CCDC7: variants seen among roughly 807,000 people sequenced by gnomAD.
CCDC7 encodes the protein coiled-coil domain-containing protein 7.
A neutral mutation model predicts 196.9 loss-of-function variants in CCDC7; 183 were observed. That is an observed-to-expected ratio of 0.93 (90% CI 0.82 to 1.05). The LOEUF (loss-of-function observed/expected upper bound fraction) is 1.05. CCDC7 is among the 50% of genes least tolerant of loss of function. CCDC7 has a pLI of 0.00. For missense variants in CCDC7, 1,540 were observed against 1,482.2 expected (o/e 1.04, Z -0.64); for synonymous variants, 525 against 484.6 (o/e 1.08, Z -1.10).
chr10:32,462,758 G>A, intron 4 of CCDC7, 55 bp downstream of exon 5: 1 of 1,411,430 alleles, frequency 7.1e-7, no homozygotes, highest in Admixed American at 2.6e-5. Flanking sequence ...AGAAATACAT[G>A]CCAATGAAGA....
intron 21 of CCDC7, among the ~76,000 whole-genome samples, chr10:32,670,477 G>C (rs560229643): frequency 5.3e-5 from 8 of 151,310 alleles, no homozygotes; most frequent in African/African-American, 1.7e-4. Flanking sequence ...TGCCATGCTG[G>C]TGCGCTGCAC....
chr10:32,810,756 A>G (rs1257399214), intron 30 of CCDC7, among the ~76,000 whole-genome samples: 2 of 152,132 alleles, frequency 1.3e-5, no homozygotes, highest in Non-Finnish European at 2.9e-5. Context: ...AGGTTAGACC[A>G]TATGTTAGGC....
chr10:32,657,323 A>G (rs2140291942), intron 20 of CCDC7, among the ~76,000 whole-genome samples: 1 of 152,372 alleles, frequency 6.6e-6, no homozygotes, highest in East Asian at 1.9e-4. Context: ...CTGCCCTAGC[A>G]GAGGTTCTCC....
intron 3 of CCDC7, 86 bp downstream of exon 4, chr10:32,456,420 C>G (rs2034366577): frequency 1.8e-5 from 19 of 1,075,916 alleles, no homozygotes; most frequent in Non-Finnish European, 1.9e-5. Flanking sequence ...AGTCAGCCAA[C>G]ATTAATCTAG....
chr10:32,847,981 T>A (rs2093379269), intron 38 of CCDC7, 65 bp downstream of exon 39: 1 of 1,002,238 alleles, frequency 1.0e-6, no homozygotes, highest in Non-Finnish European at 1.5e-6. Context: ...AGTATGAATC[T>A]TTAATGATAA....
intron 28 of CCDC7, among the ~76,000 whole-genome samples, chr10:32,745,123 A>T (rs1009433838): frequency 6.6e-6 from 1 of 152,150 alleles, no homozygotes; most frequent in Non-Finnish European, 1.5e-5. Flanking sequence ...AAATTGGTTG[A>T]CCATATTTGT....
chr10:32,650,213 C>T (rs553477321), intron 20 of CCDC7, among the ~76,000 whole-genome samples: 1 of 152,256 alleles, frequency 6.6e-6, no homozygotes, highest in African/African-American at 2.4e-5. Context: ...AGGACTAAGG[C>T]TCTGTATAGG....
intron 28 of CCDC7, among the ~76,000 whole-genome samples, chr10:32,746,841 C>T (rs2074839241): frequency 6.6e-6 from 1 of 152,218 alleles, no homozygotes; most frequent in African/African-American, 2.4e-5. Context: ...AGCATGTGCA[C>T]ATGGATGCCA....
chr10:32,608,499 C>A (rs927964883), intron 18 of CCDC7, among the ~76,000 whole-genome samples: 7 of 151,846 alleles, frequency 4.6e-5, no homozygotes. Context: ...TGTTGTGTTT[C>A]AATTTCTATT....
At chr10:32,542,759 C>T (rs2051703768) in intron 11 of CCDC7, among the ~76,000 whole-genome samples, 1 of 152,088 alleles carries the variant, frequency 6.6e-6, no homozygotes, top group African/African-American at 2.4e-5. Flanking sequence ...TTTCCTTCCA[C>T]TGTGCAATAA....
At chr10:32,747,147 C>T (rs963942888) in intron 28 of CCDC7, among the ~76,000 whole-genome samples, 5 of 152,184 alleles carry the variant, frequency 3.3e-5, no homozygotes, top group Non-Finnish European at 7.4e-5. Context: ...AGAAAAGCCA[C>T]AGGCCTGGCC....
At chr10:32,507,992 A>G (rs1323132990) in intron 9 of CCDC7, among the ~76,000 whole-genome samples, 1 of 152,352 alleles carries the variant, frequency 6.6e-6, no homozygotes, top group East Asian at 1.9e-4. Flanking sequence ...TACCAATTCT[A>G]TTCAATGTAG....
intron 24 of CCDC7, among the ~76,000 whole-genome samples, chr10:32,697,261 C>T (rs932520307): frequency 2.6e-5 from 4 of 152,118 alleles, no homozygotes; most frequent in African/African-American, 4.8e-5. Flanking sequence ...CTAGCATGAG[C>T]GACCCAGAAG....
At chr10:32,733,218 A>T (rs1200887747) in intron 28 of CCDC7, among the ~76,000 whole-genome samples, 1 of 152,064 alleles carries the variant, frequency 6.6e-6, no homozygotes, top group Non-Finnish European at 1.5e-5. Flanking sequence ...ATATTTTTAC[A>T]CTTTACATAC....
chr10:32,633,906 T>C (rs1208980522), intron 18 of CCDC7, among the ~76,000 whole-genome samples: 1 of 152,004 alleles, frequency 6.6e-6, no homozygotes, highest in Non-Finnish European at 1.5e-5. Flanking sequence ...CGGTTTGTTT[T>C]TCTTGTATTA....
intron 27 of CCDC7, 72 bp from the exon 29 acceptor site, chr10:32,729,260 C>A: frequency 1.4e-6 from 2 of 1,381,700 alleles, no homozygotes; most frequent in Non-Finnish European, 2.0e-6. Context: ...ATTTTACTTC[C>A]ATGGGTTGAA....
At position 32,567,905 on chromosome 10, in the gene CCDC7, C is replaced by A; in HGVS notation, c.1419+14C>A. 1.2e-6 allele frequency: 2 copies of A among 1,604,498 alleles called. No individual in the cohort carries two copies. Among genetic ancestry groups the A allele is most frequent in the Non-Finnish European group, 1.7e-6 (2 of 1,176,560 alleles). ...GAATATCCACAGGTGAGGAAATAAC[C>A]AAAATGGAGACAGTAGTATATGTTG... is the stretch of plus-strand genomic sequence containing the variant. On this transcript the variant is annotated intron_variant, in intron 15 of 41. Transcript: ENST00000639629.
intron 28 of CCDC7, among the ~76,000 whole-genome samples, chr10:32,733,070 GA>G (rs1415029330): frequency 6.6e-6 from 1 of 151,838 alleles, no homozygotes; most frequent in Non-Finnish European, 1.5e-5. Flanking sequence ...TTTCTTGCCT[GA>G]TCTGTTTTTG....
At chr10:32,499,646 C>G (rs2043561861) in intron 9 of CCDC7, among the ~76,000 whole-genome samples, 1 of 145,462 alleles carries the variant, frequency 6.9e-6, no homozygotes, top group Non-Finnish European at 1.5e-5. Context: ...GGGTGTTTCT[C>G]TGAGAGGGGG....
Sources: gnomAD v4.1 joint callset for allele counts (sites outside exome capture counted in the v4.1 genomes callset) on GRCh38, gnomAD v4.1.1 for gene constraint, MANE v1.5 for transcripts, NCBI Gene and HGNC (gene_info 2026-07-23, HGNC 2026-07-21) for gene names.